RASSF8: variants seen among roughly 807,000 people sequenced by gnomAD.
RASSF8 encodes the protein Ras association domain family member 8.
In RASSF8, 22 loss-of-function variants were observed where a neutral mutation model predicts 48.5. The observed-to-expected ratio is 0.45, with a 90% CI of 0.32 to 0.65. The LOEUF (loss-of-function observed/expected upper bound fraction) is 0.65. Ranked by LOEUF, RASSF8 falls within the 30% of genes least tolerant of loss-of-function variation. The pLI is 0.03. For synonymous variants in RASSF8, 127 were observed against 171.5 expected (o/e 0.74, Z 2.03); for missense variants, 418 against 489.2 (o/e 0.85, Z 1.37).
Position 26,028,963 on chromosome 12 carries a change from C to G in RASSF8, c.-108-26273C>G, listed in dbSNP as rs77793762. 1.2e-3 allele frequency among the ~76,000 whole-genome samples: 180 copies of G among 152,074 alleles called. 3 individuals carry two copies. The East Asian group carries it at 0.03, about 26-fold the overall frequency. ...GTGCACGATACTTAGGTTTGACATG[C>G]AAAACTAATTGAAAAAAGCCGTATA... On this transcript the variant is annotated intron_variant, in intron 2 of 5. Transcript: ENST00000689635.
At chr12:25,969,509 G>T (rs776827550) in intron 1 of RASSF8, among the ~76,000 whole-genome samples, 1 of 152,120 alleles carries the variant, frequency 6.6e-6, no homozygotes, top group Non-Finnish European at 1.5e-5. Flanking sequence ...GTTTGCCAAG[G>T]GGAAGTAAGG....
chr12:26,073,984 T>TA (rs942045000), downstream of RASSF8, among the ~76,000 whole-genome samples: 31 of 147,292 alleles, frequency 2.1e-4, no homozygotes, highest in Admixed American at 8.0e-4. Context: ...AGTCTCACTC[T>TA]AAAAAAAAAG....
At chr12:25,973,474 G>A (rs1941531157) in intron 1 of RASSF8, among the ~76,000 whole-genome samples, 1 of 152,144 alleles carries the variant, frequency 6.6e-6, no homozygotes, top group Non-Finnish European at 1.5e-5. Flanking sequence ...AGCTGGATGT[G>A]ATGGTATCTA....
At chr12:25,983,287 A>G (rs1262967585) in intron 1 of RASSF8, among the ~76,000 whole-genome samples, 1 of 152,226 alleles carries the variant, frequency 6.6e-6, no homozygotes, top group African/African-American at 2.4e-5. Context: ...ATAAACATAT[A>G]ATTGGAATTT....
rs141856415 is a variant in RASSF8 at position 26,056,052 on chromosome 12, G to A, written c.103+606G>A. Among the ~76,000 whole-genome samples the A allele has an allele frequency of 1.1e-3, 171 of 152,214 alleles. 3 individuals carry two copies. The East Asian group carries it at 0.029, about 26-fold the overall frequency. On this transcript the variant is annotated intron_variant, in intron 3 of 5. Coordinates refer to ENST00000689635, the MANE Select transcript of RASSF8 (RefSeq NM_001394098.1). ...CTACAAAAATTAGCCGGGCGTGGTG[G>A]TGCGCACCTGTAATCCCAGCTACTA...
intron 2 of RASSF8, among the ~76,000 whole-genome samples, chr12:26,051,502 T>G (rs1455469055): frequency 6.6e-6 from 1 of 152,216 alleles, no homozygotes; most frequent in African/African-American, 2.4e-5. Context: ...ACTTATTTAA[T>G]AAACATTAAA....
At chr12:26,053,034 A>G (rs955599625) in intron 2 of RASSF8, 1 of 152,190 alleles carries the variant, frequency 6.6e-6, no homozygotes, top group African/African-American at 2.4e-5. Flanking sequence ...CGAAATGGGC[A>G]GTTGCTTGTA....
At chr12:25,980,541 AT>A (rs1442491400) in intron 1 of RASSF8, among the ~76,000 whole-genome samples, 1 of 152,044 alleles carries the variant, frequency 6.6e-6, no homozygotes, top group Non-Finnish European at 1.5e-5. Context: ...GATGATTTCC[AT>A]TTTTTAAAAG....
At chr12:25,970,640 T>C (rs1941464426) in intron 1 of RASSF8, among the ~76,000 whole-genome samples, 2 of 152,166 alleles carry the variant, frequency 1.3e-5, no homozygotes, top group South Asian at 4.1e-4. Flanking sequence ...CAACCCTCAG[T>C]GCCCACAGGA....
chr12:25,969,954 C>T (rs1319368416), intron 1 of RASSF8, among the ~76,000 whole-genome samples: 2 of 152,078 alleles, frequency 1.3e-5, no homozygotes, highest in Admixed American at 1.3e-4. Flanking sequence ...ACTCACCTCC[C>T]GTCTCTGCTC....
chr12:25,995,240 T>A lies in RASSF8; in HGVS notation c.-109+110T>A, dbSNP rs910119698. 3 of 152,220 alleles carry A rather than the reference T, an allele frequency of 2.0e-5. No individual in the cohort carries two copies. In the South Asian group the frequency reaches 6.2e-4, roughly 32 times the overall value. The allele number at this position is 152,220 out of a possible 1,614,324, so 9.4% of individuals were successfully genotyped here. On this transcript the variant is annotated intron_variant, in intron 2 of 5. Coordinates refer to ENST00000689635, the MANE Select transcript of RASSF8 (RefSeq NM_001394098.1). ...AGTTTTGGGAGACTTTTATAGATCATGTTCATTAGTAAAGTCTTAAGAATC... is the reference window on the plus strand; with the variant it reads ...AGTTTTGGGAGACTTTTATAGATCAAGTTCATTAGTAAAGTCTTAAGAATC...
intron 2 of RASSF8, among the ~76,000 whole-genome samples, chr12:25,996,664 C>T (rs928677394): frequency 6.6e-6 from 1 of 152,156 alleles, no homozygotes; most frequent in Admixed American, 6.5e-5. Context: ...AATTTTGATC[C>T]TTGACTTACA....
rs1188247166 is a variant in RASSF8 at position 26,052,879 on chromosome 12, CA to C, written c.-108-2354del. On this transcript the variant is annotated intron_variant, in intron 2 of 5. Coordinates refer to ENST00000689635, the MANE Select transcript of RASSF8 (RefSeq NM_001394098.1). ...ATGACTCAATATATGACTAAAAGTT[CA>C]AAGTGAAACAATGATAATTCAGATA... is the stretch of plus-strand genomic sequence containing the variant. 5.3e-5 allele frequency: 8 copies of C among 152,108 alleles called. No homozygotes were observed. The East Asian group carries it at 1.2e-3, about 22-fold the overall frequency. The allele number at this position is 152,108 out of a possible 1,614,324, so 9.4% of individuals were successfully genotyped here. A position where few individuals can be genotyped will look rare whatever the true frequency, so the allele number is the denominator to read the frequency against.
chr12:25,972,331 G>T (rs903868572), intron 1 of RASSF8, among the ~76,000 whole-genome samples: 1 of 151,842 alleles, frequency 6.6e-6, no homozygotes, highest in African/African-American at 2.4e-5. Context: ...CAACCATTGA[G>T]GATACAGTAA....
chr12:25,963,225 A>C (rs1234669619), intron 1 of RASSF8, among the ~76,000 whole-genome samples: 1 of 151,700 alleles, frequency 6.6e-6, no homozygotes, highest in Non-Finnish European at 1.5e-5. Flanking sequence ...CCATACACTT[A>C]AGAGAGAGGA....
At chr12:26,068,552 T>A (rs1316063446) in intron 5 of RASSF8, 145 bp from the exon 6 acceptor site, 1 of 639,104 alleles carries the variant, frequency 1.6e-6, no homozygotes, top group African/African-American at 1.8e-5. Flanking sequence ...TTTAGCCTTC[T>A]CCCCCAGCCC....
intron 1 of RASSF8, among the ~76,000 whole-genome samples, chr12:25,983,503 C>T (rs1941792725): frequency 6.6e-6 from 1 of 152,154 alleles, no homozygotes; most frequent in Non-Finnish European, 1.5e-5. Flanking sequence ...AGGTAATGTT[C>T]TCTACTATTG....
At chr12:25,974,994 A>T (rs1282539335) in intron 1 of RASSF8, among the ~76,000 whole-genome samples, 1 of 152,216 alleles carries the variant, frequency 6.6e-6, no homozygotes. Context: ...AGGGGCCTTT[A>T]AACAAATAAT....
chr12:26,038,504 A>G (rs1943197368), intron 2 of RASSF8, among the ~76,000 whole-genome samples: 2 of 152,138 alleles, frequency 1.3e-5, no homozygotes, highest in South Asian at 4.1e-4. Flanking sequence ...ACTGTTACCC[A>G]GGGCACATTT....
Sources: gnomAD v4.1 joint callset for allele counts (sites outside exome capture counted in the v4.1 genomes callset) on GRCh38, gnomAD v4.1.1 for gene constraint, MANE v1.5 for transcripts, NCBI Gene and HGNC (gene_info 2026-07-23, HGNC 2026-07-21) for gene names.